Variants in RNF182 observed in about 807,000 individuals in gnomAD.
RNF182 encodes E3 ubiquitin-protein ligase RNF182.
RNF182 carries 15 observed loss-of-function variants against 14.4 expected under a neutral mutation model. The ratio of observed to expected loss-of-function variants is 1.04; its 90% CI spans 0.70 to 1.60. The LOEUF is 1.60. Among genes scored for constraint, RNF182 ranks in the 40% most tolerant of loss-of-function variants. RNF182 has a pLI of 0.00. For missense variants in RNF182, 268 were observed against 294.8 expected (o/e 0.91, Z 0.67); for synonymous variants, 128 against 122.9 (o/e 1.04, Z -0.27).
rs1365353394 is a variant in RNF182, at chr6:13,962,548, A to G, written c.-366-11662A>G. On this transcript the variant is annotated intron_variant, in intron 1 of 2. Coordinates refer to ENST00000488300, the MANE Select transcript of RNF182 (RefSeq NM_152737.4). ...CTCCATTTTGCACAAAATAAATTGA[A>G]CATAGAAGCAGGTATTTAGCACCAT... Among the ~76,000 whole-genome samples, 5 of 152,362 alleles carry G rather than the reference A, an allele frequency of 3.3e-5. No homozygotes were observed. In the South Asian group the frequency reaches 8.3e-4, roughly 25 times the overall value.
At chr6:13,969,054 A>G (rs367666016) in intron 1 of RNF182, among the ~76,000 whole-genome samples, 3 of 152,132 alleles carry the variant, frequency 2.0e-5, no homozygotes, top group African/African-American at 7.2e-5. Context: ...ACCTTCATAC[A>G]TTATTGACTT....
At chr6:13,928,259 T>C (rs2113573598) in intron 1 of RNF182, among the ~76,000 whole-genome samples, 1 of 152,340 alleles carries the variant, frequency 6.6e-6, no homozygotes, top group Middle Eastern at 3.4e-3. Flanking sequence ...ATTGTTTTCC[T>C]GATGTGCCAA....
chr6:13,942,476 G>T (rs1759323058), intron 1 of RNF182, among the ~76,000 whole-genome samples: 1 of 152,058 alleles, frequency 6.6e-6, no homozygotes, highest in African/African-American at 2.4e-5. Context: ...TGAGTAGCTG[G>T]GACTGACTAC....
chr6:13,946,533 G>A (rs899649787), intron 1 of RNF182, among the ~76,000 whole-genome samples: 4 of 152,108 alleles, frequency 2.6e-5, no homozygotes, highest in Non-Finnish European at 5.9e-5. Flanking sequence ...CATTTCCTGG[G>A]TCTGTTATTT....
chr6:13,929,896 C>A (rs60089292), intron 1 of RNF182, among the ~76,000 whole-genome samples: 10 of 152,272 alleles, frequency 6.6e-5, no homozygotes, highest in African/African-American at 2.4e-4. Flanking sequence ...AACCTAAAGT[C>A]ATAAAACAAG....
chr6:13,931,586 A>G (rs1758970674), intron 1 of RNF182, among the ~76,000 whole-genome samples: 1 of 152,034 alleles, frequency 6.6e-6, no homozygotes, highest in African/African-American at 2.4e-5. Context: ...TAGAATCTGA[A>G]TAGTAAGGAA....
intron 1 of RNF182, among the ~76,000 whole-genome samples, chr6:13,928,346 CTA>C (rs767303207): frequency 3.9e-5 from 6 of 152,118 alleles, no homozygotes; most frequent in Non-Finnish European, 8.8e-5. Context: ...TCTATATATT[CTA>C]TGTTGCTTGA....
At chr6:13,926,793 T>G (rs445781) in intron 1 of RNF182, among the ~76,000 whole-genome samples, 50,464 of 128,834 alleles carry the variant, frequency 0.39, 10,066 homozygotes, top group Admixed American at 0.5. Flanking sequence ...GTGTGTGTGT[T>G]TTTTTTTTTT....
At chr6:13,928,969 C>G (rs973606712) in intron 1 of RNF182, among the ~76,000 whole-genome samples, 14 of 152,214 alleles carry the variant, frequency 9.2e-5, no homozygotes, top group African/African-American at 3.4e-4. Flanking sequence ...GGTCCAGACT[C>G]TAAAGCAGAT....
chr6:13,968,252 C>CAG (rs2113640903), intron 1 of RNF182, among the ~76,000 whole-genome samples: 1 of 152,188 alleles, frequency 6.6e-6, no homozygotes, highest in Non-Finnish European at 1.5e-5. Context: ...CAATCAGGGG[C>CAG]AGAGGTGATG....
chr6:13,949,021 C>T, intron 1 of RNF182: 1 of 563,268 alleles, frequency 1.8e-6, no homozygotes, highest in East Asian at 2.9e-5. Context: ...TCTACTCACT[C>T]CTAATCAGTT....
At chr6:13,930,330 GCCAGCC>G (rs1187589823) in intron 1 of RNF182, among the ~76,000 whole-genome samples, 2 of 152,176 alleles carry the variant, frequency 1.3e-5, no homozygotes, top group Non-Finnish European at 2.9e-5. Context: ...GGGTCCTGGA[GCCAGCC>G]CCCCTGCAGA....
intron 1 of RNF182, among the ~76,000 whole-genome samples, chr6:13,952,150 G>T (rs527817628): frequency 2.6e-5 from 4 of 152,184 alleles, no homozygotes; most frequent in Non-Finnish European, 5.9e-5. Context: ...ATTGTCTGTT[G>T]TGGGGCTGGG....
chr6:13,963,325 T>G (rs1313834080), intron 1 of RNF182, among the ~76,000 whole-genome samples: 1 of 152,172 alleles, frequency 6.6e-6, no homozygotes, highest in Non-Finnish European at 1.5e-5. Context: ...GGGAAATAAT[T>G]TCTTTGGGCA....
rs780338162 is a variant in RNF182 at position 13,977,090 on chromosome 6, C to G, written c.-30C>G. 1.9e-6 allele frequency: 3 copies of G among 1,581,296 alleles called. No homozygotes were observed. Among genetic ancestry groups the G allele is most frequent in the Non-Finnish European group, 2.6e-6 (3 of 1,161,726 alleles). On this transcript the variant is annotated 5_prime_UTR_variant, in exon 3 of 3. Transcript: ENST00000488300. ...CAAAGCCATTCTTCAACAAGACCCA[C>G]CTGGCATAAGATTGCACACATAATT... is the stretch of plus-strand genomic sequence containing the variant.
chr6:13,961,111 C>T (rs1759871624), intron 1 of RNF182, among the ~76,000 whole-genome samples: 1 of 152,026 alleles, frequency 6.6e-6, no homozygotes, highest in African/African-American at 2.4e-5. Flanking sequence ...ATGACATTTC[C>T]CTCTCAGCTT....
intron 1 of RNF182, among the ~76,000 whole-genome samples, chr6:13,927,978 G>A (rs577739138): frequency 6.6e-6 from 1 of 152,324 alleles, no homozygotes; most frequent in South Asian, 2.1e-4. Context: ...TGCACAGTGG[G>A]TATTTGTCAG....
rs1361199164 is a variant in RNF182, at chr6:13,977,455, C to T, written c.336C>T (p.Pro112=). ...ACCCTACTGAGCTGCTGCTCACCCCCAAGAGGCTGGCCTCTCTGGTCAGTC... is the reference window on the plus strand; with the variant it reads ...ACCCTACTGAGCTGCTGCTCACCCCTAAGAGGCTGGCCTCTCTGGTCAGTC... The part of the protein sequence containing the change: ...PENPTELLLT[P]KRLASLVSPS... Residue 112 remains proline, a synonymous_variant, in exon 3 of 3, where the codon CCC becomes CCT. Coordinates refer to ENST00000488300, the MANE Select transcript of RNF182 (RefSeq NM_152737.4). 1.1e-5 allele frequency: 17 copies of T among 1,614,180 alleles called. No individual in the cohort carries two copies. Among genetic ancestry groups the T allele is most frequent in the Non-Finnish European group, 1.4e-5 (16 of 1,180,026 alleles).
At position 13,979,414 on chromosome 6, in the gene RNF182, G is replaced by T. The variant is rs1000227378; in HGVS notation, c.*1551G>T. Reference sequence around the variant, plus strand: ...TGTTATGAAATCTTTGTTGTGTGATGCAGGTACAGTGCGCCCATTCCAACT... The same window carrying T: ...TGTTATGAAATCTTTGTTGTGTGATTCAGGTACAGTGCGCCCATTCCAACT... On this transcript the variant is annotated 3_prime_UTR_variant, in exon 3 of 3. Transcript: ENST00000488300. 10 of 167,032 alleles carry T rather than the reference G, an allele frequency of 6.0e-5. No individual in the cohort carries two copies. Among genetic ancestry groups the T allele is most frequent in the African/African-American group, 2.4e-4 (10 of 41,452 alleles). The allele number at this position is 167,032 out of a possible 1,614,324, so 10.3% of individuals were successfully genotyped here. A position where few individuals can be genotyped will look rare whatever the true frequency, so the allele number is the denominator to read the frequency against.
Sources: allele counts gnomAD v4.1 joint callset (sites outside exome capture counted in the v4.1 genomes callset), GRCh38; gene constraint gnomAD v4.1.1; transcripts MANE v1.5; gene names NCBI Gene and HGNC (gene_info 2026-07-23, HGNC 2026-07-21).